NAPG: variants seen among roughly 807,000 people sequenced by gnomAD.
The protein encoded by NAPG is gamma-soluble NSF attachment protein.
Under a neutral mutation model 48.4 loss-of-function variants are expected in NAPG, and 25 were observed. The observed-to-expected ratio is 0.52, with a 90% CI of 0.38 to 0.72. The LOEUF (loss-of-function observed/expected upper bound fraction) is 0.72. Among genes scored for constraint, NAPG ranks in the 30% least tolerant of loss-of-function variants. The pLI is 0.00. For missense variants in NAPG, 359 were observed against 372.5 expected, an observed-to-expected ratio of 0.96 and a Z score of 0.30; for synonymous variants, 139 against 127.2, an observed-to-expected ratio of 1.09 and a Z score of -0.62.
Position 10,540,219 on chromosome 18 carries a change from G to A in NAPG, c.436-110G>A, listed in dbSNP as rs538778933. 58 of 1,083,330 alleles carry A rather than the reference G, an allele frequency of 5.4e-5. No individual in the cohort carries two copies. In the Admixed American group the frequency reaches 6.1e-4, roughly 11 times the overall value. 67.1% of individuals were successfully genotyped at this position (1,083,330 alleles called of 1,614,324 possible). A position where few individuals can be genotyped will look rare whatever the true frequency, so the allele number is the denominator to read the frequency against. On this transcript the variant is annotated intron_variant, in intron 7 of 11. Coordinates refer to ENST00000322897, the MANE Select transcript of NAPG (RefSeq NM_003826.3). ...GTAGTGAAATGAACTAGCAGCTTTC[G>A]TGTTCCCCCCTTGATCCAGTGCCAT... is the stretch of plus-strand genomic sequence containing the variant.
rs1413074466 is a variant in NAPG at position 10,534,325 on chromosome 18, A to G, written c.228-141A>G. The G allele has an allele frequency of 1.9e-6, 1 of 537,838 alleles. No individual in the cohort carries two copies. The highest frequency in any genetic ancestry group is 2.9e-5 in the East Asian group (1 of 34,908). The allele number at this position is 537,838 out of a possible 1,614,324, so 33.3% of individuals were successfully genotyped here. A position where few individuals can be genotyped will look rare whatever the true frequency, so the allele number is the denominator to read the frequency against. On this transcript the variant is annotated intron_variant, in intron 4 of 11. Transcript: ENST00000322897. The surrounding 1 kb of genome is among the most constrained non-coding windows in gnomAD (Gnocchi z 5.0). Reference sequence around the variant, plus strand: ...AGAATAAAAAATTATATTGTGTGGTAATATAAGCCTGAAGTGATATGTTGT... The same window carrying G: ...AGAATAAAAAATTATATTGTGTGGTGATATAAGCCTGAAGTGATATGTTGT...
chr18:10,542,226 G>A lies in NAPG; in HGVS notation c.506+1827G>A, dbSNP rs973045018. Among the ~76,000 whole-genome samples, 4 of 150,692 alleles carry A rather than the reference G, an allele frequency of 2.7e-5. No homozygotes were observed. Among genetic ancestry groups the A allele is most frequent in the African/African-American group, 2.4e-5 (1 of 40,922 alleles). On this transcript the variant is annotated intron_variant, in intron 8 of 11. Coordinates refer to ENST00000322897, the MANE Select transcript of NAPG (RefSeq NM_003826.3). This position sits in a 1 kb window ranked among gnomAD's most constrained non-coding sequence, Gnocchi z 4.5. ...CTTTTATTCGTGACTTTGTTTTATT[G>A]GTTTTTTTTTTTTCTTTTTAGGAAA...
intron 1 of NAPG, among the ~76,000 whole-genome samples, chr18:10,529,019 G>A (rs1029594722): frequency 6.6e-6 from 1 of 152,046 alleles, no homozygotes; most frequent in Non-Finnish European, 1.5e-5. Context: ...TTGATTCTTT[G>A]GAGAAAAAGG....
At chr18:10,538,885 A>G (rs2032089418) in intron 5 of NAPG, among the ~76,000 whole-genome samples, 1 of 152,134 alleles carries the variant, frequency 6.6e-6, no homozygotes, top group South Asian at 2.1e-4. Context: ...GAAGACATAC[A>G]GCCAAGAAAC....
At chr18:10,532,626 A>C in intron 2 of NAPG, 85 bp from the exon 3 acceptor site, 1 of 1,012,276 alleles carries the variant, frequency 9.9e-7, no homozygotes, top group Non-Finnish European at 1.5e-6. Context: ...TATGTTTATA[A>C]TACTTCATAT....
At chr18:10,545,264 A>G (rs1884190477) in intron 8 of NAPG, among the ~76,000 whole-genome samples, 1 of 152,186 alleles carries the variant, frequency 6.6e-6, no homozygotes, top group African/African-American at 2.4e-5. Flanking sequence ...GTGAGCCGAG[A>G]TGTCGCCACT....
intron 8 of NAPG, among the ~76,000 whole-genome samples, chr18:10,545,023 A>G (rs2032232484): frequency 6.6e-6 from 1 of 152,114 alleles, no homozygotes; most frequent in Non-Finnish European, 1.5e-5. Context: ...TAAAAAGATA[A>G]CATACAGGCT....
Position 10,550,267 on chromosome 18 carries a change from C to A in NAPG, c.*47C>A. ...AAGGGAAACAAAGGTAAAATCCTGACATGCCATTTCAAGGACTTGGGAATA... is the reference window on the plus strand; with the variant it reads ...AAGGGAAACAAAGGTAAAATCCTGAAATGCCATTTCAAGGACTTGGGAATA... On this transcript the variant is annotated 3_prime_UTR_variant, in exon 12 of 12. Transcript: ENST00000322897. The A allele has an allele frequency of 6.5e-7, 1 of 1,543,244 alleles. No homozygotes were observed. The highest frequency in any genetic ancestry group is 1.4e-5 in the African/African-American group (1 of 71,018).
chr18:10,531,233 T>C (rs1339982760), intron 2 of NAPG, among the ~76,000 whole-genome samples: 1 of 152,226 alleles, frequency 6.6e-6, no homozygotes, highest in Non-Finnish European at 1.5e-5. Flanking sequence ...CTTAACCTGA[T>C]ACGCAAATCA....
At chr18:10,545,590 T>G (rs2032246309) in intron 8 of NAPG, among the ~76,000 whole-genome samples, 1 of 152,006 alleles carries the variant, frequency 6.6e-6, no homozygotes, top group African/African-American at 2.4e-5. Context: ...GCATTTGGAG[T>G]ATACTACAGC....
chr18:10,531,032 C>T (rs1213662953), intron 2 of NAPG, among the ~76,000 whole-genome samples, 195 bp downstream of exon 2: 1 of 150,894 alleles, frequency 6.6e-6, no homozygotes, highest in Admixed American at 6.6e-5. Context: ...GTCAGAGTTC[C>T]TGGTACCTGC....
intron 8 of NAPG, among the ~76,000 whole-genome samples, chr18:10,545,194 C>T (rs2032237694): frequency 6.6e-6 from 1 of 151,958 alleles, no homozygotes; most frequent in Admixed American, 6.6e-5. Flanking sequence ...CGCCTGTAAT[C>T]CCAGCTACTC....
chr18:10,529,578 C>A (rs1053502447), intron 1 of NAPG, among the ~76,000 whole-genome samples: 7 of 152,118 alleles, frequency 4.6e-5, no homozygotes, highest in African/African-American at 7.2e-5. Context: ...CATGGCGAAA[C>A]CTCTTCTCTA....
intron 8 of NAPG, among the ~76,000 whole-genome samples, chr18:10,545,117 G>T (rs2032235054): frequency 6.6e-6 from 1 of 152,090 alleles, no homozygotes; most frequent in Admixed American, 6.5e-5. Flanking sequence ...TTCGAGACCA[G>T]CCTGGCCAAC....
In NAPG at chr18:10,526,076, C is replaced by T; in HGVS notation, c.-27C>T. The stretch of plus-strand genomic sequence containing the variant: ...GGAGGAAGAGGCAGGGTCACCCTCT[C>T]TCCACGTCAGAGACCTGACTGTGGA... On this transcript the variant is annotated 5_prime_UTR_variant, in exon 1 of 12. Transcript: ENST00000322897. 2 of 1,611,680 alleles carry T rather than the reference C, an allele frequency of 1.2e-6. No individual in the cohort carries two copies. The highest frequency in any genetic ancestry group is 8.5e-7 in the Non-Finnish European group (1 of 1,178,008).
rs775618160 is a variant in NAPG, at chr18:10,527,187, CAAAAAAAAAA to C, written c.56+1038_56+1047del. The stretch of plus-strand genomic sequence containing the variant: ...TGGGCCACAGAGCGAGACTCCGTCT[CAAAAAAAAAA>C]AAAAAAAAGAAAAGAAAAAGTCAGC... On this transcript the variant is annotated intron_variant, in intron 1 of 11. Coordinates refer to ENST00000322897, the MANE Select transcript of NAPG (RefSeq NM_003826.3). 2.8e-5 allele frequency among the ~76,000 whole-genome samples: 3 copies of C among 105,550 alleles called. No homozygotes were observed. The Admixed American group carries it at 3.0e-4, about 11-fold the overall frequency. 69.2% of individuals were successfully genotyped at this position (105,550 alleles called of 152,430 possible).
chr18:10,527,396 A>G (rs1379189667), intron 1 of NAPG, among the ~76,000 whole-genome samples: 1 of 152,188 alleles, frequency 6.6e-6, no homozygotes, highest in Non-Finnish European at 1.5e-5. Context: ...GTTTTCAAAC[A>G]GTGGAAAAAC....
In NAPG at chr18:10,548,539, CTT is replaced by C. The variant is rs377525469; in HGVS notation, c.665+172_665+173del. 2.1e-5 allele frequency among the ~76,000 whole-genome samples: 3 copies of C among 144,242 alleles called. No individual in the cohort carries two copies. Among genetic ancestry groups the C allele is most frequent in the Non-Finnish European group, 3.1e-5 (2 of 65,502 alleles). 94.6% of individuals were successfully genotyped at this position (144,242 alleles called of 152,430 possible). A position where few individuals can be genotyped will look rare whatever the true frequency, so the allele number is the denominator to read the frequency against. ...ATCTTTTACAGTGGGTGTTTTACAC[CTT>C]TTTTTTTTTTCCCTTTCCTGTATTT... is the stretch of plus-strand genomic sequence containing the variant. On this transcript the variant is annotated intron_variant, in intron 10 of 11. Coordinates refer to ENST00000322897, the MANE Select transcript of NAPG (RefSeq NM_003826.3). This position sits in a 1 kb window ranked among gnomAD's most constrained non-coding sequence, Gnocchi z 4.4.
intron 1 of NAPG, 45 bp downstream of exon 1, chr18:10,526,203 G>A (rs2031803949): frequency 7.2e-7 from 1 of 1,386,434 alleles, no homozygotes; most frequent in Non-Finnish European, 1.0e-6. Context: ...CGCCGGGTCC[G>A]TCTCTCACTG....
Sources: gnomAD v4.1 joint callset for allele counts (sites outside exome capture counted in the v4.1 genomes callset) on GRCh38, gnomAD v4.1.1 for gene constraint, Gnocchi (gnomAD v3.1) non-coding constraint, MANE v1.5 for transcripts, NCBI Gene and HGNC (gene_info 2026-07-23, HGNC 2026-07-21) for gene names.